The following LETM2 variants were observed in gnomAD, a reference collection of about 807,000 sequenced individuals.
LETM2 encodes the protein leucine zipper and EF-hand containing transmembrane protein 2.
In LETM2, 58 loss-of-function variants were observed where a neutral mutation model predicts 59.6. That is an observed-to-expected ratio of 0.97 (90% CI 0.79 to 1.21). The LOEUF is 1.21. Among genes scored for constraint, LETM2 ranks in the 50% most tolerant of loss-of-function variants. LETM2 has a pLI of 0.00. For synonymous variants in LETM2, 199 were observed against 214.1 expected (o/e 0.93, Z 0.62); for missense variants, 572 against 575.7 (o/e 0.99, Z 0.07).
intron 2 of LETM2, 49 bp downstream of exon 2, chr8:38,388,079 T>A: frequency 8.9e-7 from 1 of 1,125,126 alleles, no homozygotes; most frequent in Non-Finnish European, 1.2e-6. Context: ...TTCTTCTTCT[T>A]CTTTTTTTTT....
At chr8:38,407,866 A>G (rs1039691481) in intron 10 of LETM2, among the ~76,000 whole-genome samples, 6 of 152,164 alleles carry the variant, frequency 3.9e-5, no homozygotes, top group Admixed American at 3.3e-4. Context: ...AGTTTTCCCA[A>G]TTGGGTGAAG....
At chr8:38,394,629 CCCAGGAGTTTGAGACCAGCCTGGGT>C (rs1812547342) in intron 4 of LETM2, among the ~76,000 whole-genome samples, 1 of 151,944 alleles carries the variant, frequency 6.6e-6, no homozygotes, top group African/African-American at 2.4e-5. Flanking sequence ...ATCGCCTGAG[CCCAGGAGTTTGAGACCAGCCTGGGT>C]ATCATAGTGA....
upstream of LETM2, chr8:38,383,368 G>C (rs1344741569): frequency 1.3e-5 from 2 of 152,292 alleles, no homozygotes; most frequent in Non-Finnish European, 2.9e-5. Flanking sequence ...ACAGCACAGA[G>C]ACGTGAACGT....
In LETM2 at chr8:38,408,549, G is replaced by T. The variant is rs1813927924; in HGVS notation, c.*275G>T. On this transcript the variant is annotated 3_prime_UTR_variant, in exon 11 of 11. Transcript: ENST00000379957. The stretch of plus-strand genomic sequence containing the variant: ...TATAAAGCCCACCCCCCATCATGTT[G>T]TTTTTTTAGTTTCATGTGTACGTCC... 2 of 311,438 alleles carry T rather than the reference G, an allele frequency of 6.4e-6. No homozygotes were observed. Among genetic ancestry groups the T allele is most frequent in the South Asian group, 1.0e-4 (2 of 19,070 alleles). The allele number at this position is 311,438 out of a possible 1,614,324, so 19.3% of individuals were successfully genotyped here.
intron 2 of LETM2, among the ~76,000 whole-genome samples, chr8:38,388,579 G>A (rs915816278): frequency 2.7e-5 from 4 of 150,028 alleles, no homozygotes; most frequent in Non-Finnish European, 4.4e-5. Flanking sequence ...AAAATTAGCC[G>A]GCATGGTGGC....
Position 38,392,870 on chromosome 8 carries a change from A to C in LETM2, c.376A>C (p.Ile126Leu). Residue 126 changes from isoleucine (I) to leucine (L), a missense_variant, in exon 3 of 11, where the codon ATC becomes CTC. Physicochemically the swap from Ile to Leu is conservative, Grantham distance 5 (BLOSUM62 2). Transcript: ENST00000379957. ...KEGKQSYRQKIMDELKYYYNG... is the reference protein window; with the variant it reads ...KEGKQSYRQKLMDELKYYYNG... ...AGGCAAACAATCTTATAGACAAAAAATCATGGATGAACTAAAATATTATTA... is the reference window on the plus strand; with the variant it reads ...AGGCAAACAATCTTATAGACAAAAACTCATGGATGAACTAAAATATTATTA... The C allele has an allele frequency of 1.2e-6, 2 of 1,614,208 alleles. No homozygotes were observed. The highest frequency in any genetic ancestry group is 3.3e-4 in the Middle Eastern group (2 of 6,062).
chr8:38,390,309 T>C (rs528663583), intron 2 of LETM2, among the ~76,000 whole-genome samples: 103 of 152,020 alleles, frequency 6.8e-4, no homozygotes, highest in Middle Eastern at 3.4e-3. Context: ...ATAGCAAGAC[T>C]CTGTGTCTTA....
At position 38,404,641 on chromosome 8, in the gene LETM2, T is replaced by C. The variant is rs893577892; in HGVS notation, c.1218+135T>C. Reference sequence around the variant, plus strand: ...AATTTGACCCAACTGGCTTTATGTGTTTTAAAAATTTCTAAAAAAACCAAC... The same window carrying C: ...AATTTGACCCAACTGGCTTTATGTGCTTTAAAAATTTCTAAAAAAACCAAC... On this transcript the variant is annotated intron_variant, in intron 8 of 10. Transcript: ENST00000379957. 6.4e-6 allele frequency: 4 copies of C among 621,154 alleles called. No homozygotes were observed. The African/African-American group carries it at 7.4e-5, about 12-fold the overall frequency. The allele number at this position is 621,154 out of a possible 1,614,324, so 38.5% of individuals were successfully genotyped here.
intron 2 of LETM2, among the ~76,000 whole-genome samples, chr8:38,392,169 A>G (rs755781130): frequency 3.3e-5 from 5 of 152,176 alleles, no homozygotes; most frequent in Non-Finnish European, 5.9e-5. Flanking sequence ...TCATGCCTGT[A>G]ATTCCAGTAC....
At chr8:38,387,592 A>G (rs1284122699) in intron 1 of LETM2, among the ~76,000 whole-genome samples, 1 of 152,176 alleles carries the variant, frequency 6.6e-6, no homozygotes, top group African/African-American at 2.4e-5. Context: ...TTCACTTTCT[A>G]CCTATATTTT....
chr8:38,383,946 AT>A (rs1345181392), upstream of LETM2, among the ~76,000 whole-genome samples: 2 of 148,726 alleles, frequency 1.3e-5, no homozygotes, highest in East Asian at 2.0e-4. Flanking sequence ...AAAAAAAAAA[AT>A]CTCATTACTA....
chr8:38,391,279 TTTTTA>T lies in LETM2; in HGVS notation c.48-1247_48-1243del, dbSNP rs1033985525. ...ACTTTCTTTGCCAGTATCTGTCATA[TTTTTA>T]TTTTATTTTATTTTAGTTTTTTTTT... On this transcript the variant is annotated intron_variant, in intron 2 of 10. Coordinates refer to ENST00000379957, the MANE Select transcript of LETM2 (RefSeq NM_001286819.2). Among the ~76,000 whole-genome samples the T allele has an allele frequency of 9.4e-5, 14 of 148,766 alleles. No individual in the cohort carries two copies. The South Asian group carries it at 1.7e-3, about 18-fold the overall frequency.
Position 38,393,281 on chromosome 8 carries a change from T to A in LETM2, c.501+286T>A, listed in dbSNP as rs548997298. 7.2e-4 allele frequency: 210 copies of A among 290,118 alleles called. 1 individual carries two copies. Among genetic ancestry groups the A allele is most frequent in the African/African-American group, 4.1e-3 (189 of 46,148 alleles). The allele number at this position is 290,118 out of a possible 1,614,324, so 18.0% of individuals were successfully genotyped here. On this transcript the variant is annotated intron_variant, in intron 3 of 10. Transcript: ENST00000379957. ...GTAGAATAGTTATAATTGTGTTTTT[T>A]AATCTTTCCAAGAAGTTGAGGGGCT...
At position 38,402,637 on chromosome 8, in the gene LETM2, T is replaced by C. The variant is rs770752782; in HGVS notation, c.1097T>C (p.Leu366Pro). ...GLTEEQLRQQ[L>P]TEWQDLHLKE... ...ACGGAGGAACAACTGCGACAACAGC[T>C]CACGGAGGCAAGTAGCAGCGCCCCT... The change falls in exon 7 of 11, where the codon CTC (leucine) becomes CCC (proline). Residue 366 changes from leucine to proline, a missense_variant. Leu to Pro is a moderately conservative substitution (Grantham distance 98, BLOSUM62 -3). Coordinates refer to ENST00000379957, the MANE Select transcript of LETM2 (RefSeq NM_001286819.2). 5.0e-6 allele frequency: 8 copies of C among 1,613,954 alleles called. No homozygotes were observed. In the East Asian group the frequency reaches 1.1e-4, roughly 22 times the overall value.
chr8:38,393,146 G>T (rs764214854), intron 3 of LETM2, 151 bp downstream of exon 3: 3 of 643,570 alleles, frequency 4.7e-6, no homozygotes, highest in South Asian at 4.1e-5. Flanking sequence ...GTCTGCAACC[G>T]ACTTACTGTA....
At chr8:38,407,900 C>A (rs1307478065) in intron 10 of LETM2, 2 of 386,090 alleles carry the variant, frequency 5.2e-6, no homozygotes, top group Non-Finnish European at 4.8e-6. Flanking sequence ...GAGCACAGGG[C>A]ATGAAGAGAG....
intron 5 of LETM2, 110 bp from the exon 6 acceptor site, chr8:38,400,743 T>A (rs1813136919): frequency 1.0e-6 from 1 of 957,288 alleles, no homozygotes; most frequent in East Asian, 2.4e-5. Context: ...GATTTCCAGA[T>A]GTCAGACAGA....
intron 1 of LETM2, among the ~76,000 whole-genome samples, chr8:38,387,721 G>A (rs189066236): frequency 6.6e-6 from 1 of 151,982 alleles, no homozygotes; most frequent in Admixed American, 6.6e-5. Flanking sequence ...CCATCTTCAT[G>A]AGCATCATCA....
At chr8:38,397,951 C>T (rs764972376) in intron 4 of LETM2, among the ~76,000 whole-genome samples, 1 of 152,012 alleles carries the variant, frequency 6.6e-6, no homozygotes, top group Non-Finnish European at 1.5e-5. Flanking sequence ...ACGAGCCTGG[C>T]CAACATGGTG....
Sources: gnomAD v4.1 joint callset for allele counts (sites outside exome capture counted in the v4.1 genomes callset) on GRCh38, gnomAD v4.1.1 for gene constraint, MANE v1.5 for transcripts, NCBI Gene and HGNC (gene_info 2026-07-23, HGNC 2026-07-21) for gene names.